TUBGCP4: variants seen among roughly 807,000 people sequenced by gnomAD.
TUBGCP4 encodes the protein tubulin gamma complex component 4.
Under a neutral mutation model 91.6 loss-of-function variants are expected in TUBGCP4, and 54 were observed. The ratio of observed to expected loss-of-function variants is 0.59; its 90% CI spans 0.47 to 0.74. The LOEUF is 0.74. Ranked by LOEUF, TUBGCP4 falls within the 30% of genes least tolerant of loss-of-function variation. TUBGCP4 has a pLI of 0.00. For synonymous variants in TUBGCP4, 297 were observed against 302.8 expected (o/e 0.98, Z 0.20); for missense variants, 593 against 800.9 (o/e 0.74, Z 3.13).
intron 1 of TUBGCP4, among the ~76,000 whole-genome samples, chr15:43,374,933 C>T (rs539449156): frequency 1.8e-4 from 28 of 152,292 alleles, no homozygotes; most frequent in East Asian, 5.8e-4. Context: ...GACAGAGTCT[C>T]GCTCTGTTGC....
At chr15:43,398,616 A>G (rs1380436405) in intron 13 of TUBGCP4, among the ~76,000 whole-genome samples, 3 of 152,082 alleles carry the variant, frequency 2.0e-5, no homozygotes, top group Non-Finnish European at 4.4e-5. Flanking sequence ...CCAGTTTGTG[A>G]GCTCTGGAAA....
At position 43,406,305 on chromosome 15, in the gene TUBGCP4, A is replaced by G. The variant is rs183189526; in HGVS notation, c.*1091A>G. On this transcript the variant is annotated 3_prime_UTR_variant, in exon 18 of 18. Coordinates refer to ENST00000564079, the MANE Select transcript of TUBGCP4 (RefSeq NM_014444.5). The stretch of plus-strand genomic sequence containing the variant: ...GAATGCAGTGTTCTGGCATCAGGTT[A>G]TAGTCACTGCATCTGGTTTTCATCA... 1 of 255,366 alleles carries G rather than the reference A, an allele frequency of 3.9e-6. No individual in the cohort carries two copies. Among genetic ancestry groups the G allele is most frequent in the African/African-American group, 2.3e-5 (1 of 44,432 alleles). 15.8% of individuals were successfully genotyped at this position (255,366 alleles called of 1,614,324 possible). A position where few individuals can be genotyped will look rare whatever the true frequency, so the allele number is the denominator to read the frequency against.
At chr15:43,377,154 T>C (rs1161064664) in intron 4 of TUBGCP4, 87 bp downstream of exon 4, 2 of 1,151,350 alleles carry the variant, frequency 1.7e-6, no homozygotes, top group East Asian at 4.7e-5. Flanking sequence ...GAGAACTTTT[T>C]TTCTTCTGGA....
At position 43,399,136 on chromosome 15, in the gene TUBGCP4, C is replaced by T. The variant is rs754777289; in HGVS notation, c.1419-908C>T. 4 of 1,272,046 alleles carry T rather than the reference C, an allele frequency of 3.1e-6. No homozygotes were observed. In the South Asian group the frequency reaches 5.1e-5, roughly 16 times the overall value. The allele number at this position is 1,272,046 out of a possible 1,614,324, so 78.8% of individuals were successfully genotyped here. The stretch of plus-strand genomic sequence containing the variant: ...GAAATAGACAATTTTAAAAACCAAA[C>T]AGAATGGGACTGTCTTCTGCAAGCC... On this transcript the variant is annotated intron_variant, in intron 13 of 17. Coordinates refer to ENST00000564079, the MANE Select transcript of TUBGCP4 (RefSeq NM_014444.5).
In TUBGCP4 at chr15:43,386,344, CGTATATATATATATATATAT is replaced by C. The variant is rs1297237828; in HGVS notation, c.1014+15_1014+34del. 8.8e-4 allele frequency: 217 copies of C among 245,622 alleles called. 48 individuals are homozygous for C. The highest frequency in any genetic ancestry group is 7.5e-3 in the South Asian group (186 of 24,656). The allele number at this position is 245,622 out of a possible 1,614,324, so 15.2% of individuals were successfully genotyped here. ...ACTGTGGCTGAGGTTTGTGTTTCAT[CGTATATATATATATATATAT>C]ATATATATATATATTTTTTTTTTTT... On this transcript the variant is annotated intron_variant, in intron 9 of 17. Transcript: ENST00000564079.
intron 9 of TUBGCP4, among the ~76,000 whole-genome samples, chr15:43,389,513 G>C (rs1595488996): frequency 6.6e-6 from 1 of 152,088 alleles, no homozygotes; most frequent in East Asian, 1.9e-4. Context: ...ATCATAAGTA[G>C]ATGTTGAATT....
chr15:43,404,629 A>C (rs2044796278), intron 17 of TUBGCP4, 77 bp downstream of exon 17: 1 of 1,485,324 alleles, frequency 6.7e-7, no homozygotes, highest in Non-Finnish European at 9.2e-7. Context: ...TAGAACTGGA[A>C]GAAGACTTTA....
intron 9 of TUBGCP4, among the ~76,000 whole-genome samples, chr15:43,392,659 C>T (rs1350427579): frequency 3.9e-5 from 6 of 151,960 alleles, no homozygotes; most frequent in Admixed American, 6.6e-5. Context: ...CCACTACGCC[C>T]GGCTAATTTT....
At chr15:43,374,104 G>GT (rs1183017107) in intron 1 of TUBGCP4, among the ~76,000 whole-genome samples, 1 of 152,000 alleles carries the variant, frequency 6.6e-6, no homozygotes, top group Non-Finnish European at 1.5e-5. Context: ...TCGCCTATTT[G>GT]TTACCACATT....
At chr15:43,378,337 A>G (rs887022440) in intron 5 of TUBGCP4, among the ~76,000 whole-genome samples, 2 of 152,210 alleles carry the variant, frequency 1.3e-5, no homozygotes, top group Non-Finnish European at 2.9e-5. Context: ...AAATATGCCT[A>G]TTCTTATCAC....
At chr15:43,390,797 C>G (rs2142836881) in intron 9 of TUBGCP4, among the ~76,000 whole-genome samples, 1 of 152,216 alleles carries the variant, frequency 6.6e-6, no homozygotes, top group South Asian at 2.1e-4. Flanking sequence ...GCGTGAGCCA[C>G]TGGGCCTGGC....
rs2044359807 is a variant in TUBGCP4, at chr15:43,386,341, C to A, written c.1014+11C>A. The A allele has an allele frequency of 2.0e-5, 8 of 408,602 alleles. No individual in the cohort carries two copies. The highest frequency in any genetic ancestry group is 2.0e-5 in the South Asian group (1 of 49,678). The allele number at this position is 408,602 out of a possible 1,614,324, so 25.3% of individuals were successfully genotyped here. A position where few individuals can be genotyped will look rare whatever the true frequency, so the allele number is the denominator to read the frequency against. ...AGCACTGTGGCTGAGGTTTGTGTTT[C>A]ATCGTATATATATATATATATATAT... is the stretch of plus-strand genomic sequence containing the variant. On this transcript the variant is annotated intron_variant, in intron 9 of 17. Coordinates refer to ENST00000564079, the MANE Select transcript of TUBGCP4 (RefSeq NM_014444.5).
At chr15:43,380,448 C>G (rs969784453) in intron 6 of TUBGCP4, among the ~76,000 whole-genome samples, 2 of 152,202 alleles carry the variant, frequency 1.3e-5, no homozygotes, top group African/African-American at 2.4e-5. Flanking sequence ...GCAGGAATTC[C>G]ATTACATGTG....
At chr15:43,395,322 T>G in intron 10 of TUBGCP4, 165 bp downstream of exon 10, 2 of 768,398 alleles carry the variant, frequency 2.6e-6, no homozygotes, top group Non-Finnish European at 4.5e-6. Context: ...AAATCTACGA[T>G]AATACAAAGA....
At chr15:43,405,104 T>G in intron 17 of TUBGCP4, 98 bp from the exon 18 acceptor site, 5 of 1,389,612 alleles carry the variant, frequency 3.6e-6, no homozygotes, top group Non-Finnish European at 5.0e-6. Context: ...AGTTTTAAGA[T>G]GACATTATTT....
chr15:43,398,235 A>G (rs2044614174), intron 13 of TUBGCP4, 56 bp downstream of exon 13: 2 of 1,570,998 alleles, frequency 1.3e-6, no homozygotes, highest in Non-Finnish European at 1.7e-6. Context: ...TTGTAAGGGA[A>G]GAAACTAGCA....
At chr15:43,403,928 C>T (rs978480095) in intron 16 of TUBGCP4, 129 bp downstream of exon 16, 20 of 672,752 alleles carry the variant, frequency 3.0e-5, no homozygotes, top group Non-Finnish European at 5.2e-5. Flanking sequence ...AGATAAGATA[C>T]AAAGATAAAA....
At chr15:43,393,677 A>G (rs567071821) in intron 9 of TUBGCP4, among the ~76,000 whole-genome samples, 35 of 151,838 alleles carry the variant, frequency 2.3e-4, no homozygotes, top group Admixed American at 3.9e-4. Flanking sequence ...ATTCCCACCT[A>G]TGAGTGAGAA....
intron 5 of TUBGCP4, among the ~76,000 whole-genome samples, chr15:43,379,504 G>A (rs544455917): frequency 3.3e-5 from 5 of 152,156 alleles, no homozygotes; most frequent in South Asian, 2.1e-4. Context: ...TTAGCCAGGC[G>A]TGGTGGCGGG....
Sources: allele counts gnomAD v4.1 joint callset (sites outside exome capture counted in the v4.1 genomes callset), GRCh38; gene constraint gnomAD v4.1.1; transcripts MANE v1.5; gene names NCBI Gene and HGNC (gene_info 2026-07-23, HGNC 2026-07-21).